Variants in ACCSL observed in about 807,000 individuals in gnomAD.
The protein encoded by ACCSL is probable inactive 1-aminocyclopropane-1-carboxylate synthase-like protein 2.
In ACCSL, 55 loss-of-function variants were observed where a neutral mutation model predicts 61.7. The observed-to-expected ratio is 0.89, with a 90% CI of 0.72 to 1.12. The LOEUF is 1.12. Among genes scored for constraint, ACCSL ranks in the 50% most tolerant of loss-of-function variants. The probability of loss-of-function intolerance (pLI) is 0.00; values close to 1 mark genes in which losing one functional copy is unlikely to be tolerated. For missense variants in ACCSL, 632 were observed against 698.0 expected, an observed-to-expected ratio of 0.91 and a Z score of 1.07; for synonymous variants, 258 against 264.3, an observed-to-expected ratio of 0.98 and a Z score of 0.23.
At chr11:43,951,662 G>A in the ACCSL span, among the ~76,000 whole-genome samples, 8,431 of 152,236 alleles carry the variant, frequency 0.055, 362 homozygotes, top group East Asian at 0.11. Context: ...TAAAAAATGC[G>A]TAATATGTAG....
chr11:44,013,866 G>A, the ACCSL span, among the ~76,000 whole-genome samples: 1 of 152,290 alleles, frequency 6.6e-6, no homozygotes. Context: ...TTCGGGGTTG[G>A]TAACAGACAG....
At chr11:44,005,564 A>G in the ACCSL span, among the ~76,000 whole-genome samples, 1 of 152,094 alleles carries the variant, frequency 6.6e-6, no homozygotes, top group Non-Finnish European at 1.5e-5. Context: ...TTTTGAATGC[A>G]CAGCGGGTTT....
the ACCSL span, among the ~76,000 whole-genome samples, chr11:43,959,172 C>T: frequency 2.0e-5 from 3 of 152,144 alleles, no homozygotes; most frequent in African/African-American, 4.8e-5. Context: ...CCACAGCACG[C>T]GCCTAGGTTC....
At chr11:44,053,278 A>G (rs1295532348) in intron 7 of ACCSL, 128 bp from the exon 8 acceptor site, 2 of 920,624 alleles carry the variant, frequency 2.2e-6, no homozygotes, top group Non-Finnish European at 3.4e-6. Flanking sequence ...TTTGGGCAGT[A>G]TAGTAGTTGC....
chr11:44,008,806 G>A, the ACCSL span, among the ~76,000 whole-genome samples: 1 of 152,186 alleles, frequency 6.6e-6, no homozygotes, highest in Admixed American at 6.5e-5. Flanking sequence ...ATCAGGTAAT[G>A]TCATCTCCTG....
chr11:43,965,105 A>G, the ACCSL span, among the ~76,000 whole-genome samples: 2 of 152,222 alleles, frequency 1.3e-5, no homozygotes, highest in Non-Finnish European at 2.9e-5. Context: ...TTAGGCAAGA[A>G]AAAGAAATAA....
At chr11:43,985,305 T>C in the ACCSL span, among the ~76,000 whole-genome samples, 1 of 152,104 alleles carries the variant, frequency 6.6e-6, no homozygotes, top group Non-Finnish European at 1.5e-5. Context: ...TAATGATTAA[T>C]ACCTGGGGGC....
At chr11:44,009,629 G>C in the ACCSL span, among the ~76,000 whole-genome samples, 1 of 152,244 alleles carries the variant, frequency 6.6e-6, no homozygotes, top group East Asian at 1.9e-4. Context: ...GCTGGGCATG[G>C]TGGTGTGCAC....
the ACCSL span, among the ~76,000 whole-genome samples, chr11:44,038,900 T>TCACAG: frequency 6.6e-6 from 1 of 152,188 alleles, no homozygotes; most frequent in African/African-American, 2.4e-5. Flanking sequence ...CTGAAGGTAT[T>TCACAG]TGAATTTGCA....
At chr11:43,934,112 C>A in the ACCSL span, among the ~76,000 whole-genome samples, 1 of 152,140 alleles carries the variant, frequency 6.6e-6, no homozygotes, top group Admixed American at 6.5e-5. Flanking sequence ...CTCTTCTTCC[C>A]TGTCTCTCTC....
chr11:43,970,638 C>A, the ACCSL span, among the ~76,000 whole-genome samples: 98,341 of 152,114 alleles, frequency 0.65, 32,250 homozygotes, highest in East Asian at 0.84. Flanking sequence ...TTAAAAAACC[C>A]AACCATTTCT....
chr11:43,942,561 A>C, the ACCSL span: 10 of 291,052 alleles, frequency 3.4e-5, no homozygotes, highest in South Asian at 2.1e-4. Context: ...TTTAAATGGC[A>C]TTCGCTGTCA....
chr11:43,922,419 T>C, the ACCSL span: 1 of 152,246 alleles, frequency 6.6e-6, no homozygotes, highest in East Asian at 1.9e-4. Flanking sequence ...CAGGGCTGGC[T>C]CCTGTGGAGC....
the ACCSL span, among the ~76,000 whole-genome samples, chr11:43,982,671 C>T: frequency 6.6e-6 from 1 of 152,176 alleles, no homozygotes; most frequent in Non-Finnish European, 1.5e-5. Context: ...CTCACAGGAG[C>T]TGGACTCTCT....
the ACCSL span, among the ~76,000 whole-genome samples, chr11:43,970,576 A>T: frequency 1.3e-5 from 2 of 152,152 alleles, no homozygotes; most frequent in Admixed American, 6.5e-5. Context: ...GCAACCAACA[A>T]CAATTCTTCT....
chr11:43,977,253 C>T, the ACCSL span, among the ~76,000 whole-genome samples: 1 of 152,196 alleles, frequency 6.6e-6, no homozygotes, highest in Non-Finnish European at 1.5e-5. Flanking sequence ...TAATATGTTA[C>T]ACTACATAGC....
the ACCSL span, among the ~76,000 whole-genome samples, chr11:43,940,745 C>A: frequency 6.6e-6 from 1 of 151,776 alleles, no homozygotes. Context: ...CTTTAGCCAA[C>A]AAGCCTCCTT....
At chr11:43,954,293 A>G in the ACCSL span, among the ~76,000 whole-genome samples, 1 of 152,186 alleles carries the variant, frequency 6.6e-6, no homozygotes, top group Non-Finnish European at 1.5e-5. Context: ...GGACACAGAC[A>G]CACAAGGAGT....
At chr11:43,968,643 G>A in the ACCSL span, among the ~76,000 whole-genome samples, 3 of 152,134 alleles carry the variant, frequency 2.0e-5, no homozygotes, top group South Asian at 6.2e-4. Flanking sequence ...TGTGAATTCA[G>A]GCTTCGAAAC....
Sources: allele counts gnomAD v4.1 joint callset (sites outside exome capture counted in the v4.1 genomes callset), GRCh38; gene constraint gnomAD v4.1.1; transcripts MANE v1.5; gene names NCBI Gene and HGNC (gene_info 2026-07-23, HGNC 2026-07-21).